The following HS6ST3 variants were observed in gnomAD, a reference collection of about 807,000 sequenced individuals.
HS6ST3 encodes heparan sulfate 6-O-sulfotransferase 3, also known as heparan-sulfate 6-O-sulfotransferase 3.
Under a neutral mutation model 36.7 loss-of-function variants are expected in HS6ST3, and 12 were observed. The ratio of observed to expected loss-of-function variants is 0.33; its 90% CI spans 0.21 to 0.53. The LOEUF is 0.53. Among genes scored for constraint, HS6ST3 ranks in the 20% least tolerant of loss-of-function variants. The pLI is 0.95. For missense variants in HS6ST3, 584 were observed against 640.9 expected, an observed-to-expected ratio of 0.91 and a Z score of 0.96; for synonymous variants, 240 against 257.5, an observed-to-expected ratio of 0.93 and a Z score of 0.65.
At chr13:96,745,553 G>A (rs1366751442) in intron 1 of HS6ST3, among the ~76,000 whole-genome samples, 2 of 152,088 alleles carry the variant, frequency 1.3e-5, no homozygotes, top group Non-Finnish European at 2.9e-5. Context: ...CAGAAGTCCC[G>A]AGAGTAACCT....
At chr13:96,688,244 A>AT (rs1566430088) in intron 1 of HS6ST3, among the ~76,000 whole-genome samples, 6 of 150,946 alleles carry the variant, frequency 4.0e-5, no homozygotes, top group East Asian at 1.9e-4. Flanking sequence ...CATCATAATA[A>AT]AAAGACTCTC....
chr13:96,141,387 C>A (rs1268653289), intron 1 of HS6ST3, among the ~76,000 whole-genome samples: 1 of 151,896 alleles, frequency 6.6e-6, no homozygotes, highest in Admixed American at 6.6e-5. Context: ...GCTCTGTTAC[C>A]CTGTTGCCCA....
chr13:96,644,839 T>G (rs1297272101), intron 1 of HS6ST3, among the ~76,000 whole-genome samples: 2 of 152,122 alleles, frequency 1.3e-5, no homozygotes, highest in East Asian at 3.9e-4. Context: ...AAGAAACCTC[T>G]GGAATTGGTT....
chr13:96,353,336 T>C (rs890608636), intron 1 of HS6ST3, among the ~76,000 whole-genome samples: 1 of 152,162 alleles, frequency 6.6e-6, no homozygotes. Context: ...GACAAATTAA[T>C]GGAAGTGAAT....
intron 1 of HS6ST3, among the ~76,000 whole-genome samples, chr13:96,330,291 AT>A (rs2139420082): frequency 6.6e-6 from 1 of 152,082 alleles, no homozygotes; most frequent in African/African-American, 2.4e-5. Context: ...TGGTCTTTAC[AT>A]TTTGGCATGA....
At chr13:96,444,359 C>T (rs2055688231) in intron 1 of HS6ST3, among the ~76,000 whole-genome samples, 1 of 152,166 alleles carries the variant, frequency 6.6e-6, no homozygotes, top group African/African-American at 2.4e-5. Context: ...AAGGCACTAA[C>T]TGGGTATTTT....
chr13:96,824,097 CT>C (rs968942721), intron 1 of HS6ST3, among the ~76,000 whole-genome samples: 3 of 152,264 alleles, frequency 2.0e-5, no homozygotes, highest in African/African-American at 7.2e-5. Flanking sequence ...CCTCTCCCCT[CT>C]TGAGGGAAGC....
At chr13:96,467,667 A>G (rs1484154160) in intron 1 of HS6ST3, among the ~76,000 whole-genome samples, 1 of 152,226 alleles carries the variant, frequency 6.6e-6, no homozygotes, top group Non-Finnish European at 1.5e-5. Flanking sequence ...GCATTAATCT[A>G]GCATTTCCTG....
chr13:96,387,383 T>C (rs570277023), intron 1 of HS6ST3, among the ~76,000 whole-genome samples: 2 of 152,352 alleles, frequency 1.3e-5, no homozygotes, highest in Admixed American at 1.3e-4. Flanking sequence ...AAATTAATCA[T>C]TTAAACCCTT....
At chr13:96,116,211 G>C (rs969713662) in intron 1 of HS6ST3, among the ~76,000 whole-genome samples, 6 of 152,170 alleles carry the variant, frequency 3.9e-5, no homozygotes, top group African/African-American at 1.4e-4. Flanking sequence ...CGAGTGCATA[G>C]TCTGTTCACT....
chr13:96,104,069 GT>G (rs1954562326), intron 1 of HS6ST3, among the ~76,000 whole-genome samples: 1 of 151,774 alleles, frequency 6.6e-6, no homozygotes, highest in African/African-American at 2.4e-5. Context: ...ATAGCTACAG[GT>G]TAATATGTCC....
intron 1 of HS6ST3, among the ~76,000 whole-genome samples, chr13:96,335,245 GT>G (rs2139423202): frequency 6.6e-6 from 1 of 152,280 alleles, no homozygotes; most frequent in African/African-American, 2.4e-5. Context: ...CCAATGTGAG[GT>G]GTCCCAGGAA....
chr13:96,402,479 G>A (rs1366667391), intron 1 of HS6ST3, among the ~76,000 whole-genome samples: 2 of 152,150 alleles, frequency 1.3e-5, no homozygotes, highest in Non-Finnish European at 2.9e-5. Context: ...GCAGCTTTAT[G>A]ACTTTTGAAA....
At chr13:96,808,234 C>A (rs1230938737) in intron 1 of HS6ST3, among the ~76,000 whole-genome samples, 1 of 152,208 alleles carries the variant, frequency 6.6e-6, no homozygotes, top group Non-Finnish European at 1.5e-5. Context: ...GTCATGAGTG[C>A]TGTTCACCAA....
At chr13:96,784,391 G>C (rs1311606335) in intron 1 of HS6ST3, among the ~76,000 whole-genome samples, 1 of 151,990 alleles carries the variant, frequency 6.6e-6, no homozygotes, top group African/African-American at 2.4e-5. Flanking sequence ...ATTTTTCTTA[G>C]CTGAGAGGTA....
chr13:96,177,355 A>G (rs918672047), intron 1 of HS6ST3, among the ~76,000 whole-genome samples: 1 of 152,222 alleles, frequency 6.6e-6, no homozygotes, highest in East Asian at 1.9e-4. Flanking sequence ...ACAATAGCAA[A>G]GACATGGAAT....
At chr13:96,596,711 G>T (rs1286491180) in intron 1 of HS6ST3, among the ~76,000 whole-genome samples, 2 of 152,122 alleles carry the variant, frequency 1.3e-5, no homozygotes, top group Non-Finnish European at 2.9e-5. Context: ...TGGAGAAAAA[G>T]AAACATTTAT....
chr13:96,185,466 T>C (rs542307236), intron 1 of HS6ST3, among the ~76,000 whole-genome samples: 3 of 152,328 alleles, frequency 2.0e-5, no homozygotes, highest in African/African-American at 7.2e-5. Flanking sequence ...CCAAGGCCCA[T>C]TGGCTGCACA....
intron 1 of HS6ST3, among the ~76,000 whole-genome samples, chr13:96,829,867 T>C (rs559310558): frequency 6.6e-6 from 1 of 152,282 alleles, no homozygotes; most frequent in Non-Finnish European, 1.5e-5. Flanking sequence ...TAACCGATAA[T>C]GAGATTGATG....
Sources: gnomAD v4.1 joint callset for allele counts (sites outside exome capture counted in the v4.1 genomes callset) on GRCh38, gnomAD v4.1.1 for gene constraint, MANE v1.5 for transcripts, NCBI Gene and HGNC (gene_info 2026-07-23, HGNC 2026-07-21) for gene names.